Variants in SLC35B1 observed in about 807,000 individuals in gnomAD.
SLC35B1 encodes solute carrier family 35 member B1, also known as ATP/ADP exchanger ER.
Under a neutral mutation model 36.6 loss-of-function variants are expected in SLC35B1, and 27 were observed. The observed-to-expected ratio is 0.74, with a 90% CI of 0.54 to 1.02. The LOEUF (loss-of-function observed/expected upper bound fraction) is 1.02. Among genes scored for constraint, SLC35B1 ranks in the 50% least tolerant of loss-of-function variants. The pLI is 0.00. For synonymous variants in SLC35B1, 162 were observed against 152.5 expected (o/e 1.06, Z -0.46); for missense variants, 321 against 383.2 (o/e 0.84, Z 1.35).
Position 49,706,339 on chromosome 17 carries a change from G to C in SLC35B1, c.209-5C>G, listed in dbSNP as rs1166077414. Reference sequence around the variant, plus strand: ...CAGTGTCAAAAAACTGGATCACTGGGAGAAGACAAAAAAAAAAAAAAAAAA... The same window carrying C: ...CAGTGTCAAAAAACTGGATCACTGGCAGAAGACAAAAAAAAAAAAAAAAAA... On this transcript the variant is annotated splice_region_variant and splice_polypyrimidine_tract_variant and intron_variant, in intron 2 of 8. Coordinates refer to ENST00000240333, the MANE Select transcript of SLC35B1 (RefSeq NM_005827.4). 9.8e-7 allele frequency: 1 copy of C among 1,024,560 alleles called. No homozygotes were observed. The highest frequency in any genetic ancestry group is 2.3e-5 in the African/African-American group (1 of 43,038). 63.5% of individuals were successfully genotyped at this position (1,024,560 alleles called of 1,614,324 possible). A position where few individuals can be genotyped will look rare whatever the true frequency, so the allele number is the denominator to read the frequency against.
In SLC35B1 at chr17:49,707,775, C is replaced by G. The variant is rs1410604486; in HGVS notation, c.59G>C (p.Gly20Ala). ...DRLRLPLCFL[G>A]VFVCYFYYGI... Reference sequence around the variant, plus strand: ...ATAGTAAAAATAGCAGACAAAGACACCCAGGAAGCAGAGCGGCAGGCGCAG... The same window carrying G: ...ATAGTAAAAATAGCAGACAAAGACAGCCAGGAAGCAGAGCGGCAGGCGCAG... Residue 20 changes from glycine to alanine, a missense_variant, in exon 1 of 9, where the codon GGT becomes GCT. Physicochemically the swap from Gly to Ala is moderately conservative, Grantham distance 60. Transcript: ENST00000240333. 1.2e-6 allele frequency: 2 copies of G among 1,612,120 alleles called. No homozygotes were observed. Among genetic ancestry groups the G allele is most frequent in the Admixed American group, 3.3e-5 (2 of 60,024 alleles).
chr17:49,705,920 T>A, intron 3 of SLC35B1, 24 bp from the exon 4 acceptor site: 1 of 1,613,246 alleles, frequency 6.2e-7, no homozygotes, highest in Non-Finnish European at 8.5e-7. Context: ...CAGCAAATAA[T>A]TTCTGAGCAT....
At chr17:49,706,375 A>T in intron 2 of SLC35B1, 41 bp from the exon 3 acceptor site, 1 of 1,071,520 alleles carries the variant, frequency 9.3e-7, no homozygotes, top group Non-Finnish European at 1.2e-6. Context: ...AGAAAAGAAA[A>T]GAAAAAAAAA....
At chr17:49,701,926 C>CAAAAAAAAA in intron 8 of SLC35B1, 1 of 254,580 alleles carries the variant, frequency 3.9e-6, no homozygotes, top group Non-Finnish European at 7.5e-6. Context: ...CCCATCGCTA[C>CAAAAAAAAA]AAAAAAAAAA....
chr17:49,702,606 C>G, intron 8 of SLC35B1: 1 of 389,092 alleles, frequency 2.6e-6, no homozygotes, highest in Non-Finnish European at 4.7e-6. Context: ...GTGGTGCATG[C>G]CTGTAATCCT....
chr17:49,703,965 A>T, intron 6 of SLC35B1, 135 bp downstream of exon 6: 2 of 1,172,022 alleles, frequency 1.7e-6, no homozygotes, highest in Non-Finnish European at 2.5e-6. Context: ...AGGTTTCTCA[A>T]GGGCTTGAAC....
chr17:49,703,075 T>C (rs746057424), intron 7 of SLC35B1, 64 bp from the exon 8 acceptor site: 9 of 1,602,784 alleles, frequency 5.6e-6, no homozygotes, highest in Admixed American at 1.7e-5. Context: ...CTAAAGTCTA[T>C]AAACAGACCT....
At chr17:49,708,133 C>A (rs768682044), upstream of SLC35B1, 2 of 700,626 alleles carry the variant, frequency 2.9e-6, no homozygotes, top group Non-Finnish European at 5.2e-6. Context: ...ATCCCTCGCC[C>A]TGGAGATTTT....
intron 3 of SLC35B1, 151 bp downstream of exon 3, chr17:49,706,053 C>A: frequency 7.7e-7 from 1 of 1,300,442 alleles, no homozygotes; most frequent in Non-Finnish European, 1.1e-6. Context: ...CACCACTAAA[C>A]GTAAGTTCTA....
intron 8 of SLC35B1, chr17:49,702,086 C>G (rs1408433636): frequency 5.9e-6 from 1 of 170,866 alleles, no homozygotes; most frequent in African/African-American, 2.4e-5. Flanking sequence ...GAGGGAGACC[C>G]TAGGAAGGCT....
intron 1 of SLC35B1, 71 bp downstream of exon 1, chr17:49,707,659 A>C: frequency 6.5e-7 from 1 of 1,541,154 alleles, no homozygotes; most frequent in East Asian, 2.3e-5. Flanking sequence ...GCCCGGGTCC[A>C]GAGGCAGAAG....
chr17:49,705,149 G>C lies in SLC35B1; in HGVS notation c.503C>G (p.Thr168Arg), dbSNP rs772885379. Residue 168 changes from threonine to arginine, a missense_variant, in exon 5 of 9, where the codon ACA becomes AGA. Coordinates refer to ENST00000240333, the MANE Select transcript of SLC35B1 (RefSeq NM_005827.4). ...CAAGAGTAGCTCTCCATAGCCGACT[G>C]TGTGTTCTTCTATCCCAACAACTTT... ...PKKVVGIEEH[T>R]VGYGELLLLL... 3 of 1,614,210 alleles carry C rather than the reference G, an allele frequency of 1.9e-6. No homozygotes were observed. Among genetic ancestry groups the C allele is most frequent in the Non-Finnish European group, 2.5e-6 (3 of 1,180,040 alleles).
In SLC35B1 at chr17:49,704,188, G is replaced by C; in HGVS notation, c.567C>G (p.Ser189=). 1 of 1,614,002 alleles carries C rather than the reference G, an allele frequency of 6.2e-7. No individual in the cohort carries two copies. The highest frequency in any genetic ancestry group is 2.2e-5 in the East Asian group (1 of 44,878). ...SLTLDGLTGV[S]QDHMRAHYQT... is the part of the protein sequence containing the mutation. ...GGTAATGAGCCCGCATGTGGTCCTG[G>C]GAAACACCAGTCAGTCCATCCAGGG... The change falls in exon 6 of 9, where the codon TCC becomes TCG. Residue 189 remains serine (S), a synonymous_variant. Coordinates refer to ENST00000240333, the MANE Select transcript of SLC35B1 (RefSeq NM_005827.4).
chr17:49,707,539 G>C (rs1567821925), intron 1 of SLC35B1, 191 bp downstream of exon 1: 1 of 1,490,008 alleles, frequency 6.7e-7, no homozygotes, highest in East Asian at 2.5e-5. Context: ...CAAGTCCGAA[G>C]AATCCAGAAA....
At chr17:49,703,348 GCACACACACACACA>G (rs10595474) in intron 6 of SLC35B1, 54 bp from the exon 7 acceptor site, 58 of 704,452 alleles carry the variant, frequency 8.2e-5, no homozygotes, top group African/African-American at 2.5e-4. Flanking sequence ...CAAAATGTGC[GCACACACACACACA>G]CACACACACA....
chr17:49,704,925 G>C, intron 5 of SLC35B1, 199 bp downstream of exon 5: 1 of 520,556 alleles, frequency 1.9e-6, no homozygotes, highest in Non-Finnish European at 3.4e-6. Flanking sequence ...TCCAGAATGA[G>C]AGCTGAGTTG....
At position 49,706,322 on chromosome 17, in the gene SLC35B1, A is replaced by G. The variant is rs1195284738; in HGVS notation, c.221T>C (p.Phe74Ser). 5.8e-6 allele frequency: 9 copies of G among 1,539,766 alleles called. No homozygotes were observed. The highest frequency in any genetic ancestry group is 7.8e-6 in the Non-Finnish European group (9 of 1,149,958). The part of the protein sequence containing the change: ...AVFAKILIQF[F>S]DTARVDRTRS... ...GGTACGATCCACCCTGGCAGTGTCA[A>G]AAAACTGGATCACTGGGAGAAGACA... The change falls in exon 3 of 9, where the codon TTT becomes TCT. Residue 74 changes from phenylalanine (F) to serine (S), a missense_variant. Physicochemically the swap from Phe to Ser is radical, Grantham distance 155. Coordinates refer to ENST00000240333, the MANE Select transcript of SLC35B1 (RefSeq NM_005827.4).
Position 49,701,454 on chromosome 17 carries a change from C to A in SLC35B1, c.*4G>T, listed in dbSNP as rs1235445991. The stretch of plus-strand genomic sequence containing the variant: ...TTCTTGATGTGGAGGTAGTCTCTCT[C>A]TTCCTAGTGGGATGTCTTCTTAGCT... On this transcript the variant is annotated 3_prime_UTR_variant, in exon 9 of 9. Coordinates refer to ENST00000240333, the MANE Select transcript of SLC35B1 (RefSeq NM_005827.4). 1.2e-6 allele frequency: 2 copies of A among 1,611,318 alleles called. No individual in the cohort carries two copies. The highest frequency in any genetic ancestry group is 1.7e-6 in the Non-Finnish European group (2 of 1,177,480).
chr17:49,708,170 T>A (rs1387322568), upstream of SLC35B1: 8 of 671,376 alleles, frequency 1.2e-5, no homozygotes, highest in South Asian at 1.3e-4. Flanking sequence ...TGAGGACAAC[T>A]GCGACCCAGA....
Sources: allele counts gnomAD v4.1 joint callset, GRCh38; gene constraint gnomAD v4.1.1; transcripts MANE v1.5; gene names NCBI Gene and HGNC (gene_info 2026-07-23, HGNC 2026-07-21).